The following OSBPL8 variants were observed in gnomAD, a reference collection of about 807,000 sequenced individuals.
The protein encoded by OSBPL8 is oxysterol-binding protein-related protein 8.
A neutral mutation model predicts 125.5 loss-of-function variants in OSBPL8; 59 were observed. That is an observed-to-expected ratio of 0.47 (90% CI 0.38 to 0.58). The LOEUF is 0.58. Among genes scored for constraint, OSBPL8 ranks in the 20% least tolerant of loss-of-function variants. The pLI, the probability that OSBPL8 is intolerant of heterozygous loss-of-function variation, is 0.00. For synonymous variants in OSBPL8, 330 were observed against 338.9 expected (o/e 0.97, Z 0.29); for missense variants, 758 against 1,047.8 (o/e 0.72, Z 3.82).
chr12:76,362,707 G>A (rs4761422), intron 21 of OSBPL8, among the ~76,000 whole-genome samples: 120,230 of 151,810 alleles, frequency 0.79, 47,843 homozygotes, highest in East Asian at 0.92. Context: ...GAAAGAAATA[G>A]AGGGTATTCA....
chr12:76,549,892 T>A (rs1950886898), intron 1 of OSBPL8, among the ~76,000 whole-genome samples: 1 of 151,588 alleles, frequency 6.6e-6, no homozygotes, highest in African/African-American at 2.4e-5. Context: ...TATTTGAAGA[T>A]GTACTCCAAT....
chr12:76,525,361 G>T (rs1052481612), intron 1 of OSBPL8, among the ~76,000 whole-genome samples: 2 of 152,080 alleles, frequency 1.3e-5, no homozygotes, highest in East Asian at 3.9e-4. Flanking sequence ...TGAGGAAAAG[G>T]AATATGTGAT....
chr12:76,521,494 T>C (rs1260850337), intron 1 of OSBPL8, among the ~76,000 whole-genome samples: 1 of 152,182 alleles, frequency 6.6e-6, no homozygotes, highest in Non-Finnish European at 1.5e-5. Context: ...GAAGAGACAT[T>C]TGTACACCCA....
At chr12:76,528,514 G>A (rs759473939) in intron 1 of OSBPL8, among the ~76,000 whole-genome samples, 12 of 151,770 alleles carry the variant, frequency 7.9e-5, no homozygotes, top group Non-Finnish European at 1.6e-4. Context: ...ATGCCTTGTC[G>A]AGTCCAGTCT....
At chr12:76,464,347 CACAG>C (rs1441500287) in intron 2 of OSBPL8, among the ~76,000 whole-genome samples, 23 of 152,234 alleles carry the variant, frequency 1.5e-4, no homozygotes, top group Admixed American at 7.8e-4. Flanking sequence ...ACCATTGTCC[CACAG>C]ACAATGTCCA....
intron 4 of OSBPL8, among the ~76,000 whole-genome samples, chr12:76,412,229 A>G (rs1038971125): frequency 6.6e-6 from 1 of 152,130 alleles, no homozygotes; most frequent in African/African-American, 2.4e-5. Flanking sequence ...AACTCTCCCC[A>G]TTAAAAAAAA....
At chr12:76,453,866 T>A (rs1477500481) in intron 3 of OSBPL8, among the ~76,000 whole-genome samples, 2 of 151,908 alleles carry the variant, frequency 1.3e-5, no homozygotes, top group Non-Finnish European at 2.9e-5. Context: ...AAAAAGAACA[T>A]CATAATAGCA....
intron 4 of OSBPL8, among the ~76,000 whole-genome samples, chr12:76,444,343 T>C (rs1416667367): frequency 6.6e-6 from 1 of 152,174 alleles, no homozygotes; most frequent in Non-Finnish European, 1.5e-5. Context: ...AAGCAGCATA[T>C]TGTGAAATCC....
At chr12:76,356,162 T>TGGGGGGGGGGTATGGGGGGG in intron 23 of OSBPL8, 141 bp from the exon 24 acceptor site, 8 of 136,872 alleles carry the variant, frequency 5.8e-5, no homozygotes, top group African/African-American at 1.4e-4. Context: ...TATGTAGGGG[T>TGGGGGGGGGGTATGGGGGGG]GGGGGGGGGC....
chr12:76,453,918 T>C (rs1346687432), intron 3 of OSBPL8, among the ~76,000 whole-genome samples: 1 of 152,006 alleles, frequency 6.6e-6, no homozygotes, highest in Admixed American at 6.6e-5. Flanking sequence ...AAAAGAAAAA[T>C]GCAAATGGGC....
chr12:76,446,005 A>G (rs1872686570), intron 4 of OSBPL8, among the ~76,000 whole-genome samples: 1 of 152,196 alleles, frequency 6.6e-6, no homozygotes, highest in Non-Finnish European at 1.5e-5. Flanking sequence ...TTTTAGCTCT[A>G]CTACATACTA....
chr12:76,546,939 A>C (rs1253392753), intron 1 of OSBPL8, among the ~76,000 whole-genome samples: 1 of 152,242 alleles, frequency 6.6e-6, no homozygotes, highest in Non-Finnish European at 1.5e-5. Context: ...ATTTCAAACA[A>C]GTACAGTATT....
intron 1 of OSBPL8, among the ~76,000 whole-genome samples, chr12:76,522,077 A>T (rs1047583232): frequency 6.6e-6 from 1 of 152,220 alleles, no homozygotes; most frequent in Admixed American, 6.5e-5. Context: ...GGTGACATTT[A>T]GAATGAAATC....
Position 76,534,668 on chromosome 12 carries a change from A to G in OSBPL8, c.-68+24729T>C, listed in dbSNP as rs560277675. Among the ~76,000 whole-genome samples the G allele has an allele frequency of 2.0e-5, 3 of 152,324 alleles. No individual in the cohort carries two copies. The South Asian group carries it at 6.2e-4, about 32-fold the overall frequency. On this transcript the variant is annotated intron_variant, in intron 1 of 23. Transcript: ENST00000261183. ...TGAAAAACAAAAATCAGCAACACATACACACAAGCAATGAGGTCAAGAGAG... is the reference window on the plus strand; with the variant it reads ...TGAAAAACAAAAATCAGCAACACATGCACACAAGCAATGAGGTCAAGAGAG...
chr12:76,384,800 G>A (rs986599427), intron 14 of OSBPL8, among the ~76,000 whole-genome samples: 3 of 152,104 alleles, frequency 2.0e-5, no homozygotes, highest in Non-Finnish European at 4.4e-5. Context: ...GAATCTTCCA[G>A]CCCAGTCAAG....
At chr12:76,545,722 C>T (rs183221450) in intron 1 of OSBPL8, among the ~76,000 whole-genome samples, 3 of 150,798 alleles carry the variant, frequency 2.0e-5, no homozygotes, top group Non-Finnish European at 3.0e-5. Context: ...CTCTAATTTA[C>T]AATGTAAGTA....
At chr12:76,419,519 T>C (rs1293353872) in intron 4 of OSBPL8, among the ~76,000 whole-genome samples, 3 of 152,174 alleles carry the variant, frequency 2.0e-5, no homozygotes, top group Non-Finnish European at 4.4e-5. Flanking sequence ...ATTTACTAGC[T>C]GTATGACATT....
intron 1 of OSBPL8, among the ~76,000 whole-genome samples, chr12:76,509,974 A>C (rs997275392): frequency 2.6e-5 from 4 of 152,234 alleles, no homozygotes. Context: ...ATATTCCCAA[A>C]AACACTGCCT....
intron 15 of OSBPL8, 23 bp downstream of exon 15, chr12:76,384,231 C>T: frequency 7.3e-7 from 1 of 1,370,852 alleles, no homozygotes; most frequent in Non-Finnish European, 1.0e-6. Context: ...GGAGAGGGTG[C>T]AAGTTGGGAC....
Sources: gnomAD v4.1 joint callset for allele counts (sites outside exome capture counted in the v4.1 genomes callset) on GRCh38, gnomAD v4.1.1 for gene constraint, MANE v1.5 for transcripts, NCBI Gene and HGNC (gene_info 2026-07-23, HGNC 2026-07-21) for gene names.